The following SLC30A7 variants were observed in gnomAD, a reference collection of about 807,000 sequenced individuals.
The protein encoded by SLC30A7 is solute carrier family 30 member 7.
A neutral mutation model predicts 46.0 loss-of-function variants in SLC30A7; 35 were observed. The ratio of observed to expected loss-of-function variants is 0.76; its 90% CI spans 0.58 to 1.01. SLC30A7 has a LOEUF of 1.01. Among genes scored for constraint, SLC30A7 ranks in the 50% least tolerant of loss-of-function variants. SLC30A7 has a pLI of 0.00. For missense variants in SLC30A7, 464 were observed against 451.1 expected (o/e 1.03, Z -0.26); for synonymous variants, 147 against 157.8 (o/e 0.93, Z 0.51).
intron 6 of SLC30A7, among the ~76,000 whole-genome samples, chr1:100,915,252 T>C (rs377384770): frequency 9.3e-4 from 132 of 141,180 alleles, no homozygotes; most frequent in Middle Eastern, 3.6e-3. Context: ...TTTCTTTCTT[T>C]CTTCCTTTCT....
intron 8 of SLC30A7, chr1:100,940,969 A>G: frequency 5.2e-6 from 2 of 387,484 alleles, no homozygotes; most frequent in South Asian, 4.0e-5. Context: ...TTTCCCTGTC[A>G]CTTCTCTGGC....
chr1:100,927,640 G>A (rs1274778917), intron 8 of SLC30A7, among the ~76,000 whole-genome samples: 3 of 152,172 alleles, frequency 2.0e-5, no homozygotes, highest in Admixed American at 6.5e-5. Flanking sequence ...TTTTTCTTCA[G>A]TCTTGTTCAG....
chr1:100,956,396 G>A (rs763708988), intron 8 of SLC30A7, among the ~76,000 whole-genome samples: 1 of 152,050 alleles, frequency 6.6e-6, no homozygotes, highest in Non-Finnish European at 1.5e-5. Context: ...TAAAAAGGTG[G>A]TGGCAGGGAG....
Position 100,975,400 on chromosome 1 carries a change from G to C in SLC30A7, c.*543G>C, listed in dbSNP as rs1217816516. ...GACGTTCTTCAGTATAATCATGTTT[G>C]TTAAATTGTTTGTACCTTGCAAACT... On this transcript the variant is annotated 3_prime_UTR_variant, in exon 11 of 11. Coordinates refer to ENST00000357650, the MANE Select transcript of SLC30A7 (RefSeq NM_133496.5). 1 of 152,590 alleles carries C rather than the reference G, an allele frequency of 6.6e-6. No individual in the cohort carries two copies. The highest frequency in any genetic ancestry group is 2.4e-5 in the African/African-American group (1 of 41,404). 9.5% of individuals were successfully genotyped at this position (152,590 alleles called of 1,614,324 possible). A position where few individuals can be genotyped will look rare whatever the true frequency, so the allele number is the denominator to read the frequency against.
rs1281844394 is a variant in SLC30A7 at position 100,912,205 on chromosome 1, A to G, written c.478A>G (p.Lys160Glu). 6.8e-6 allele frequency: 11 copies of G among 1,613,952 alleles called. No homozygotes were observed. The East Asian group carries it at 2.2e-4, about 33-fold the overall frequency. ...AAACCTAATAGGAATATTTGTTTTC[A>G]AACATGGAGGTCATGGACATTCTCA... ...VVNLIGIFVFKHGGHGHSHGS... is the reference protein window; with the variant it reads ...VVNLIGIFVFEHGGHGHSHGS... The change falls in exon 5 of 11, where the codon AAA (lysine) becomes GAA (glutamate). Residue 160 changes from lysine to glutamate, a missense_variant. Transcript: ENST00000357650.
intron 8 of SLC30A7, among the ~76,000 whole-genome samples, chr1:100,944,940 T>C (rs1322926214): frequency 6.6e-6 from 1 of 152,132 alleles, no homozygotes; most frequent in Non-Finnish European, 1.5e-5. Context: ...CCACAACCTC[T>C]CCAACATCTG....
chr1:100,954,950 A>G (rs1655149834), intron 8 of SLC30A7, among the ~76,000 whole-genome samples: 1 of 151,994 alleles, frequency 6.6e-6, no homozygotes, highest in Non-Finnish European at 1.5e-5. Flanking sequence ...TTAAAACTAT[A>G]ATTTTCTTTC....
chr1:100,945,388 T>C (rs1268822792), intron 8 of SLC30A7, among the ~76,000 whole-genome samples: 2 of 152,218 alleles, frequency 1.3e-5, no homozygotes, highest in African/African-American at 4.8e-5. Flanking sequence ...TGGTATTGCC[T>C]AGGTTTTCTT....
downstream of SLC30A7, among the ~76,000 whole-genome samples, chr1:100,983,961 A>G (rs775075986): frequency 6.6e-6 from 1 of 152,226 alleles, no homozygotes; most frequent in Non-Finnish European, 1.5e-5. Flanking sequence ...ATTGTCCTGT[A>G]TGTGCATCAT....
rs148011321 is a variant in SLC30A7, at chr1:100,913,385, A to G, written c.512-278A>G. Among the ~76,000 whole-genome samples the G allele has an allele frequency of 5.3e-4, 80 of 152,344 alleles. No individual in the cohort carries two copies. The East Asian group carries it at 0.013, about 24-fold the overall frequency. On this transcript the variant is annotated intron_variant, in intron 5 of 10. Transcript: ENST00000357650. The stretch of plus-strand genomic sequence containing the variant: ...AATATTTCTCAAATGAATGAATATC[A>G]TTATCTGACCTCTTTGGAGATATCT...
chr1:100,930,733 A>G (rs1285769910), intron 8 of SLC30A7, among the ~76,000 whole-genome samples: 2 of 152,228 alleles, frequency 1.3e-5, no homozygotes, highest in Non-Finnish European at 2.9e-5. Flanking sequence ...TTTGGGGACT[A>G]AGATAAACAG....
chr1:100,905,767 G>T (rs1207542417), intron 2 of SLC30A7, among the ~76,000 whole-genome samples: 1 of 151,904 alleles, frequency 6.6e-6, no homozygotes, highest in Non-Finnish European at 1.5e-5. Flanking sequence ...GTTTTTATCT[G>T]CAGAAATTAT....
intron 2 of SLC30A7, among the ~76,000 whole-genome samples, chr1:100,905,055 T>C (rs1435956687): frequency 1.3e-5 from 2 of 152,174 alleles, no homozygotes; most frequent in East Asian, 3.8e-4. Flanking sequence ...GTGGGTGCTT[T>C]AGTATGTATA....
chr1:100,910,697 C>T (rs183173865), intron 3 of SLC30A7, among the ~76,000 whole-genome samples: 12 of 152,236 alleles, frequency 7.9e-5, no homozygotes, highest in African/African-American at 2.9e-4. Flanking sequence ...ACCCTTTCTT[C>T]TACTTTTTAG....
chr1:100,938,801 C>T (rs1359097559), intron 8 of SLC30A7, among the ~76,000 whole-genome samples: 1 of 152,210 alleles, frequency 6.6e-6, no homozygotes, highest in East Asian at 1.9e-4. Context: ...AAGGGCTTTG[C>T]ATCTGATTAA....
rs147729454 is a variant in SLC30A7, at chr1:100,939,060, C to T, written c.842+17219C>T. 2.3e-3 allele frequency among the ~76,000 whole-genome samples: 349 copies of T among 152,300 alleles called. 4 individuals carry two copies. The highest frequency in any genetic ancestry group is 8.1e-3 in the African/African-American group (336 of 41,566). On this transcript the variant is annotated intron_variant, in intron 8 of 10. Transcript: ENST00000357650. The stretch of plus-strand genomic sequence containing the variant: ...ATTCCTTAACATGATAAATTACATG[C>T]ATCACAGCCCTAAAGTCTAAATCCC...
At chr1:100,903,318 ATGGTTTT>A (rs1176092524) in intron 2 of SLC30A7, among the ~76,000 whole-genome samples, 2 of 152,102 alleles carry the variant, frequency 1.3e-5, no homozygotes, top group African/African-American at 4.8e-5. Flanking sequence ...GTCTTTATTA[ATGGTTTT>A]ATCACAGTAT....
At chr1:100,940,431 A>G (rs533154680) in intron 8 of SLC30A7, among the ~76,000 whole-genome samples, 1 of 152,360 alleles carries the variant, frequency 6.6e-6, no homozygotes, top group African/African-American at 2.4e-5. Context: ...TTTTAAAAAG[A>G]AGAATTTTGG....
intron 9 of SLC30A7, among the ~76,000 whole-genome samples, chr1:100,965,468 ATAAATAAGTGTTGGACTT>A (rs1303899665): frequency 6.6e-6 from 1 of 152,174 alleles, no homozygotes. Context: ...TTTCCAAGTC[ATAAATAAGTGTTGGACTT>A]TATAAAGTGA....
Sources: gnomAD v4.1 joint callset for allele counts (sites outside exome capture counted in the v4.1 genomes callset) on GRCh38, gnomAD v4.1.1 for gene constraint, MANE v1.5 for transcripts, NCBI Gene and HGNC (gene_info 2026-07-23, HGNC 2026-07-21) for gene names.